PGAP1: variants seen among roughly 807,000 people sequenced by gnomAD.
PGAP1 encodes the protein post-GPI attachment to proteins inositol deacylase 1.
PGAP1 carries 76 observed loss-of-function variants against 127.0 expected under a neutral mutation model. That is an observed-to-expected ratio of 0.60 (90% confidence interval 0.50 to 0.72). The LOEUF (loss-of-function observed/expected upper bound fraction) is 0.72. PGAP1 is among the 30% of genes least tolerant of loss of function. The probability of loss-of-function intolerance (pLI) is 0.00; values close to 1 mark genes in which losing one functional copy is unlikely to be tolerated. For synonymous variants in PGAP1, 362 were observed against 366.5 expected (o/e 0.99, Z 0.14); for missense variants, 982 against 1,071.3 (o/e 0.92, Z 1.16).
At position 196,898,301 on chromosome 2, in the gene PGAP1, A is replaced by G. The variant is rs770083567; in HGVS notation, c.860+16T>C. ...ATGACAACTCATCAAAACAAGTTAT[A>G]CAAGTATTAACTTACCACACAATGG... On this transcript the variant is annotated intron_variant, in intron 6 of 26. Transcript: ENST00000354764. 2 of 1,563,446 alleles carry G rather than the reference A, an allele frequency of 1.3e-6. No homozygotes were observed. The highest frequency in any genetic ancestry group is 1.8e-6 in the Non-Finnish European group (2 of 1,138,226).
chr2:196,843,967 G>C lies in PGAP1; in HGVS notation c.2446C>G (p.His816Asp). The change falls in exon 25 of 27, where the codon CAC (histidine) becomes GAC (aspartate). Residue 816 changes from histidine to aspartate, a missense_variant. By Grantham distance (81) the His-to-Asp change is moderately conservative. Transcript: ENST00000354764. ...ANDAEDSLRM[H>D]STVINLLTWI... ...GTTAGTAAGTTAATCACAGTACTGT[G>C]CATGCGAAGGCTATCTTCAGCATCG... 1 of 1,608,272 alleles carries C rather than the reference G, an allele frequency of 6.2e-7. No homozygotes were observed. Among genetic ancestry groups the C allele is most frequent in the Non-Finnish European group, 8.5e-7 (1 of 1,176,024 alleles).
intron 20 of PGAP1, among the ~76,000 whole-genome samples, chr2:196,859,218 T>G (rs1329553774): frequency 6.6e-6 from 1 of 152,076 alleles, no homozygotes; most frequent in East Asian, 1.9e-4. Flanking sequence ...TCCCAGCTAC[T>G]TGGGAGACTG....
Position 196,917,382 on chromosome 2 carries a change from G to A in PGAP1, c.302-789C>T, listed in dbSNP as rs370856817. ...CTCACTATATAAAACTGTAAAATTC[G>A]ATGGTTTTTAGTATATTCACCATCT... On this transcript the variant is annotated intron_variant, in intron 2 of 26. Coordinates refer to ENST00000354764, the MANE Select transcript of PGAP1 (RefSeq NM_024989.4). Among the ~76,000 whole-genome samples, 21 of 152,130 alleles carry A rather than the reference G, an allele frequency of 1.4e-4. 1 individual carries two copies. The East Asian group carries it at 2.3e-3, about 17-fold the overall frequency.
In PGAP1 at chr2:196,916,373, T is replaced by C. The variant is rs1246241451; in HGVS notation, c.477+45A>G. 4.1e-6 allele frequency: 6 copies of C among 1,459,022 alleles called. No individual in the cohort carries two copies. In the South Asian group the frequency reaches 8.9e-5, roughly 22 times the overall value. The allele number at this position is 1,459,022 out of a possible 1,614,324, so 90.4% of individuals were successfully genotyped here. On this transcript the variant is annotated intron_variant, in intron 3 of 26. Coordinates refer to ENST00000354764, the MANE Select transcript of PGAP1 (RefSeq NM_024989.4). The stretch of plus-strand genomic sequence containing the variant: ...ATACTGAATCCCTTTTTTAAAAAGG[T>C]GCCGATAGGTTGCACCACTATTGAT...
chr2:196,870,870 T>G (rs978280391), intron 19 of PGAP1, 71 bp downstream of exon 19: 4 of 1,360,812 alleles, frequency 2.9e-6, no homozygotes, highest in Non-Finnish European at 4.1e-6. Flanking sequence ...ATGGAAAAAG[T>G]CTACAACCCT....
At chr2:196,882,276 G>A (rs1701758800) in intron 12 of PGAP1, among the ~76,000 whole-genome samples, 1 of 152,198 alleles carries the variant, frequency 6.6e-6, no homozygotes, top group African/African-American at 2.4e-5. Flanking sequence ...TTGAAGTCAA[G>A]TAGTGTGATG....
At chr2:196,888,908 A>C (rs1702005638) in intron 10 of PGAP1, among the ~76,000 whole-genome samples, 1 of 152,214 alleles carries the variant, frequency 6.6e-6, no homozygotes, top group African/African-American at 2.4e-5. Flanking sequence ...AGTCAAAAAA[A>C]GTGTAAATAA....
At position 196,865,068 on chromosome 2, in the gene PGAP1, G is replaced by C; in HGVS notation, c.1780C>G (p.His594Asp). 1 of 1,556,274 alleles carries C rather than the reference G, an allele frequency of 6.4e-7. No homozygotes were observed. The highest frequency in any genetic ancestry group is 8.6e-7 in the Non-Finnish European group (1 of 1,157,720). ...ACATAAGCAGGAAGAGCTCCACCAT[G>C]AAATCTAACTACCTAAAAAACAGGT... ...SQILGQVVRF[H>D]GGALPAYVVS... The change falls in exon 20 of 27, where the codon CAT (histidine) becomes GAT (aspartate). Residue 594 changes from histidine (H) to aspartate (D), a missense_variant. His to Asp is a moderately conservative substitution (Grantham distance 81, BLOSUM62 -1). Coordinates refer to ENST00000354764, the MANE Select transcript of PGAP1 (RefSeq NM_024989.4).
At chr2:196,873,387 T>C (rs949376937) in intron 16 of PGAP1, 141 bp downstream of exon 16, 5 of 645,958 alleles carry the variant, frequency 7.7e-6, no homozygotes, top group Admixed American at 3.0e-5. Flanking sequence ...CCTGGAAATA[T>C]AAACAACCTG....
Position 196,880,086 on chromosome 2 carries a change from C to T in PGAP1, c.1340G>A (p.Arg447His), listed in dbSNP as rs773874771. ...SHLVVYVPSV[R>H]GSKFVVDCEF... Reference sequence around the variant, plus strand: ...TAACCCACTTGTTACCTTACTTCCACGAACAGATGGTACATAAACAACAAG... The same window carrying T: ...TAACCCACTTGTTACCTTACTTCCATGAACAGATGGTACATAAACAACAAG... The change falls in exon 13 of 27, where the codon CGT (arginine) becomes CAT (histidine). Residue 447 changes from arginine (R) to histidine (H), a missense_variant. By Grantham distance (29) the Arg-to-His change is conservative (BLOSUM62 0). Transcript: ENST00000354764. 3.5e-5 allele frequency: 56 copies of T among 1,603,072 alleles called. No homozygotes were observed. The highest frequency in any genetic ancestry group is 1.7e-4 in the Middle Eastern group (1 of 6,022).
intron 20 of PGAP1, among the ~76,000 whole-genome samples, chr2:196,862,924 GAA>G (rs1246050425): frequency 6.6e-6 from 1 of 151,778 alleles, no homozygotes; most frequent in Admixed American, 6.6e-5. Flanking sequence ...ATCTCAAAAA[GAA>G]AAAAGACATA....
chr2:196,861,128 T>C (rs1215211571), intron 20 of PGAP1, among the ~76,000 whole-genome samples: 1 of 152,202 alleles, frequency 6.6e-6, no homozygotes, highest in Admixed American at 6.5e-5. Context: ...ACTGGATATT[T>C]ATATGCAGAA....
At chr2:196,901,850 T>A (rs1702502155) in intron 5 of PGAP1, among the ~76,000 whole-genome samples, 1 of 152,258 alleles carries the variant, frequency 6.6e-6, no homozygotes, top group Non-Finnish European at 1.5e-5. Flanking sequence ...TCCACTATGA[T>A]TATATCTAGT....
At chr2:196,887,509 C>T (rs1212856178) in intron 10 of PGAP1, among the ~76,000 whole-genome samples, 2 of 152,138 alleles carry the variant, frequency 1.3e-5, no homozygotes, top group Non-Finnish European at 2.9e-5. Context: ...CTAGTGAAAT[C>T]CTACCAAGAC....
rs776817075 is a variant in PGAP1 at position 196,845,892 on chromosome 2, T to C, written c.2276A>G (p.Tyr759Cys). 20 of 1,606,372 alleles carry C rather than the reference T, an allele frequency of 1.2e-5. No individual in the cohort carries two copies. The highest frequency in any genetic ancestry group is 1.7e-4 in the Middle Eastern group (1 of 6,056). ...ACTGATTTGACATACCTTAAACACA[T>C]AGTAAAGATAAGAAAGAAGTATGGC... ...ALAILLSYLY[Y>C]VFKVVHLQAS... The change falls in exon 23 of 27, where the codon TAT (tyrosine) becomes TGT (cysteine). Residue 759 changes from tyrosine to cysteine, a missense_variant. Coordinates refer to ENST00000354764, the MANE Select transcript of PGAP1 (RefSeq NM_024989.4).
At position 196,912,960 on chromosome 2, in the gene PGAP1, G is replaced by C. The variant is rs1481537172; in HGVS notation, c.571C>G (p.His191Asp). 2.5e-6 allele frequency: 4 copies of C among 1,613,862 alleles called. No homozygotes were observed. The African/African-American group carries it at 4.0e-5, about 16-fold the overall frequency. Residue 191 changes from histidine (H) to aspartate (D), a missense_variant, in exon 4 of 27, where the codon CAT (histidine) becomes GAT (aspartate). Coordinates refer to ENST00000354764, the MANE Select transcript of PGAP1 (RefSeq NM_024989.4). ...RALLTLKNFKHDLINLLITQA... is the reference protein window; with the variant it reads ...RALLTLKNFKDDLINLLITQA... ...GTAATAAGAAGATTTATCAGATCAT[G>C]CTTAAAATTTTTCAGTGTAAGCAAT...
In PGAP1 at chr2:196,834,243, G is replaced by C. The variant is rs753069341; in HGVS notation, c.*6991C>G. On this transcript the variant is annotated 3_prime_UTR_variant, in exon 27 of 27. Transcript: ENST00000354764. ...ACCTAATTTTCTACATCTATGTAGC[G>C]TAAGTCTACTTTAATTCAAAATGAG... 2 of 152,016 alleles carry C rather than the reference G, an allele frequency of 1.3e-5. No homozygotes were observed. Among genetic ancestry groups the C allele is most frequent in the African/African-American group, 4.8e-5 (2 of 41,424 alleles). The allele number at this position is 152,016 out of a possible 1,614,324, so 9.4% of individuals were successfully genotyped here.
chr2:196,875,677 G>C (rs1701542304), intron 14 of PGAP1, 69 bp downstream of exon 14: 1 of 812,542 alleles, frequency 1.2e-6, no homozygotes. Context: ...ATATTACAAA[G>C]CTCTGCTTTA....
intron 13 of PGAP1, chr2:196,877,680 G>A (rs1701608787): frequency 6.6e-6 from 1 of 152,058 alleles, no homozygotes; most frequent in Non-Finnish European, 1.5e-5. Flanking sequence ...GTACTTGTGA[G>A]ATTTAGTCAT....
Sources: allele counts gnomAD v4.1 joint callset (sites outside exome capture counted in the v4.1 genomes callset), GRCh38; gene constraint gnomAD v4.1.1; transcripts MANE v1.5; gene names NCBI Gene and HGNC (gene_info 2026-07-23, HGNC 2026-07-21).